CPS1: variants seen among roughly 807,000 people sequenced by gnomAD.
The protein encoded by CPS1 is carbamoyl-phosphate synthase [ammonia], mitochondrial.
Under a neutral mutation model 174.6 loss-of-function variants are expected in CPS1, and 109 were observed. That is an observed-to-expected ratio of 0.62 (90% CI 0.53 to 0.73). The LOEUF (loss-of-function observed/expected upper bound fraction) is 0.73. Ranked by LOEUF, CPS1 falls within the 30% of genes least tolerant of loss-of-function variation. The pLI is 0.00. For synonymous variants in CPS1, 637 were observed against 632.0 expected (o/e 1.01, Z -0.12); for missense variants, 1,689 against 1,821.9 (o/e 0.93, Z 1.33).
intron 33 of CPS1, among the ~76,000 whole-genome samples, chr2:210,663,410 A>G (rs554053968): frequency 6.6e-6 from 1 of 152,322 alleles, no homozygotes; most frequent in East Asian, 1.9e-4. Context: ...AATATAATAC[A>G]TGTGTTACTA....
chr2:210,514,226 A>G (rs1471584360), intron 1 of CPS1, among the ~76,000 whole-genome samples: 1 of 151,988 alleles, frequency 6.6e-6, no homozygotes, highest in Non-Finnish European at 1.5e-5. Flanking sequence ...AAAAAATGAC[A>G]TTGGTTGTTT....
In CPS1 at chr2:210,525,371, T is replaced by G. The variant is rs146363764; in HGVS notation, c.4-31348T>G. 1.7e-4 allele frequency among the ~76,000 whole-genome samples: 26 copies of G among 152,138 alleles called. No individual in the cohort carries two copies. In the East Asian group the frequency reaches 4.7e-3, roughly 27 times the overall value. Reference sequence around the variant, plus strand: ...ACAGGGCAAACTATCATGTTCATTCTGTCTTGTTCACTCACCTGTCCTCTG... The same window carrying G: ...ACAGGGCAAACTATCATGTTCATTCGGTCTTGTTCACTCACCTGTCCTCTG... On this transcript the variant is annotated intron_variant, in intron 1 of 38. Coordinates refer to the CPS1 transcript ENST00000430249.
intron 1 of CPS1, among the ~76,000 whole-genome samples, chr2:210,481,361 T>C (rs1694564957): frequency 6.6e-6 from 1 of 152,222 alleles, no homozygotes; most frequent in African/African-American, 2.4e-5. Context: ...TTTCTCTATA[T>C]GATTGAATTT....
intron 13 of CPS1, among the ~76,000 whole-genome samples, chr2:210,596,594 T>C (rs1698489978): frequency 6.6e-6 from 1 of 151,976 alleles, no homozygotes; most frequent in South Asian, 2.1e-4. Flanking sequence ...CCTCCATTCA[T>C]GTGCATGCAT....
chr2:210,525,643 G>T (rs1695951508), intron 1 of CPS1, among the ~76,000 whole-genome samples: 2 of 147,326 alleles, frequency 1.4e-5, no homozygotes, highest in Non-Finnish European at 3.0e-5. Context: ...AGGTCTAAAA[G>T]TAGGCATAAT....
intron 21 of CPS1, chr2:210,617,676 G>C (rs3770683): frequency 0.1 from 15,616 of 151,960 alleles, 1,009 homozygotes; most frequent in East Asian, 0.27. Flanking sequence ...AATTCTATCT[G>C]ACAAAGATGA....
At chr2:210,676,292 C>T (rs1234866809) in intron 36 of CPS1, among the ~76,000 whole-genome samples, 1 of 152,144 alleles carries the variant, frequency 6.6e-6, no homozygotes, top group Admixed American at 6.5e-5. Flanking sequence ...TTGGTCATTC[C>T]TTGACCAGGT....
At chr2:210,522,518 G>T (rs1320286649) in intron 1 of CPS1, among the ~76,000 whole-genome samples, 1 of 151,968 alleles carries the variant, frequency 6.6e-6, no homozygotes, top group Non-Finnish European at 1.5e-5. Context: ...AAATGTGAGT[G>T]AGATACTCTG....
intron 19 of CPS1, among the ~76,000 whole-genome samples, chr2:210,609,681 GCTT>G (rs1699041910): frequency 4.0e-5 from 6 of 151,852 alleles, no homozygotes; most frequent in Admixed American, 2.0e-4. Context: ...CAGTGTGGGA[GCTT>G]TTAGTCTATG....
chr2:210,515,250 T>C lies in CPS1; in HGVS notation c.3+37484T>C, dbSNP rs537465225. Among the ~76,000 whole-genome samples the C allele has an allele frequency of 7.2e-5, 11 of 151,974 alleles. No homozygotes were observed. In the South Asian group the frequency reaches 2.3e-3, roughly 31 times the overall value. On this transcript the variant is annotated intron_variant, in intron 1 of 38. Coordinates refer to the CPS1 transcript ENST00000430249. ...GAAGGAGTCCTTCCTCTTTCTGTTT[T>C]TGGAGTAATTTCTGTAGAATTGAAA...
At chr2:210,605,072 T>C in intron 16 of CPS1, 30 bp from the exon 17 acceptor site, 1 of 1,610,872 alleles carries the variant, frequency 6.2e-7, no homozygotes, top group Non-Finnish European at 8.5e-7. Flanking sequence ...TTTTTCTTAC[T>C]CTTTGATATC....
At chr2:210,481,165 C>A (rs997911232) in intron 1 of CPS1, among the ~76,000 whole-genome samples, 5 of 152,104 alleles carry the variant, frequency 3.3e-5, no homozygotes, top group Admixed American at 1.3e-4. Flanking sequence ...GATTGTGAGT[C>A]CAGAAAGTTG....
At chr2:210,610,584 A>G (rs1286709318) in intron 19 of CPS1, among the ~76,000 whole-genome samples, 1 of 151,946 alleles carries the variant, frequency 6.6e-6, no homozygotes, top group East Asian at 1.9e-4. Flanking sequence ...GAGGAAGCCC[A>G]TTATAGTCAT....
chr2:210,660,138 GA>G (rs1453544761), intron 31 of CPS1, among the ~76,000 whole-genome samples: 1 of 152,088 alleles, frequency 6.6e-6, no homozygotes, highest in Non-Finnish European at 1.5e-5. Context: ...AATGAAGCAA[GA>G]GGACAGAAGG....
At chr2:210,592,111 C>A in intron 10 of CPS1, 142 bp downstream of exon 10, 3 of 955,136 alleles carry the variant, frequency 3.1e-6, no homozygotes, top group Non-Finnish European at 4.6e-6. Context: ...GATCAAATCA[C>A]ACTAGGATAA....
upstream of CPS1, among the ~76,000 whole-genome samples, chr2:210,552,205 T>A (rs1696750382): frequency 1.3e-5 from 2 of 152,000 alleles, no homozygotes; most frequent in Admixed American, 6.6e-5. Flanking sequence ...TTACTCTGAA[T>A]TTGTTTGCTC....
At chr2:210,675,187 G>T (rs1701485070) in intron 35 of CPS1, among the ~76,000 whole-genome samples, 1 of 152,190 alleles carries the variant, frequency 6.6e-6, no homozygotes, top group Non-Finnish European at 1.5e-5. Context: ...TAAAAACTGA[G>T]AAAGTTTAGC....
chr2:210,531,890 G>GT (rs1041675833), intron 1 of CPS1, among the ~76,000 whole-genome samples: 17 of 152,142 alleles, frequency 1.1e-4, no homozygotes, highest in African/African-American at 2.9e-4. Context: ...CTTGAATACA[G>GT]TTTTTTTCTA....
At chr2:210,656,032 A>AT (rs1392924458) in intron 29 of CPS1, among the ~76,000 whole-genome samples, 1 of 152,066 alleles carries the variant, frequency 6.6e-6, no homozygotes, top group Non-Finnish European at 1.5e-5. Context: ...GGACTAGAAT[A>AT]TTTTTCCTTT....
Sources: allele counts gnomAD v4.1 joint callset (sites outside exome capture counted in the v4.1 genomes callset), GRCh38; gene constraint gnomAD v4.1.1; transcripts MANE v1.5; gene names NCBI Gene and HGNC (gene_info 2026-07-23, HGNC 2026-07-21).